RBFOX1: variants seen among roughly 807,000 people sequenced by gnomAD.
The protein encoded by RBFOX1 is RNA binding protein fox-1 homolog 1.
RBFOX1 carries 8 observed loss-of-function variants against 57.7 expected under a neutral mutation model. The observed-to-expected ratio is 0.14, with a 90% CI of 0.08 to 0.25. The LOEUF (loss-of-function observed/expected upper bound fraction) is 0.25, where lower values mean the gene tolerates loss of function less well. Ranked by LOEUF, RBFOX1 falls within the 10% of genes least tolerant of loss-of-function variation. The pLI is 1.00. For missense variants in RBFOX1, 611 were observed against 548.5 expected, an observed-to-expected ratio of 1.11 and a Z score of -1.14; for synonymous variants, 326 against 222.4, an observed-to-expected ratio of 1.47 and a Z score of -4.15.
intron 4 of RBFOX1, among the ~76,000 whole-genome samples, chr16:5,935,589 G>C (rs560110448): frequency 3.9e-5 from 6 of 152,168 alleles, no homozygotes; most frequent in Non-Finnish European, 8.8e-5. Flanking sequence ...TTCTGGACTG[G>C]TTGGCTTGTA....
intron 3 of RBFOX1, among the ~76,000 whole-genome samples, chr16:5,819,630 C>G (rs78863759): frequency 1.1e-3 from 171 of 152,328 alleles, no homozygotes; most frequent in African/African-American, 3.6e-3. Flanking sequence ...TGACGCTGGA[C>G]TACTTGACAT....
rs145389058 is a variant in RBFOX1 at position 5,820,253 on chromosome 16, C to T, written c.319-47050C>T. Among the ~76,000 whole-genome samples, 865 of 152,314 alleles carry T rather than the reference C, an allele frequency of 5.7e-3. 6 individuals carry two copies. The highest frequency in any genetic ancestry group is 6.2e-3 in the Non-Finnish European group (419 of 68,022). On this transcript the variant is annotated intron_variant, in intron 3 of 19. Coordinates refer to the RBFOX1 transcript ENST00000641259. The stretch of plus-strand genomic sequence containing the variant: ...CTGCAAAGTTCATTCTCTTAACCGC[C>T]ATGCTACATTGTCTTATTCAGTTCT...
intron 4 of RBFOX1, among the ~76,000 whole-genome samples, chr16:7,077,416 A>G (rs1276974637): frequency 6.6e-6 from 1 of 152,226 alleles, no homozygotes; most frequent in Non-Finnish European, 1.5e-5. Context: ...TGGTGAAGCT[A>G]CTACATTTAT....
intron 4 of RBFOX1, among the ~76,000 whole-genome samples, chr16:7,359,396 G>T (rs949632283): frequency 6.9e-6 from 1 of 144,244 alleles, no homozygotes; most frequent in African/African-American, 2.9e-5. Flanking sequence ...GCCTCTGTGT[G>T]TTTGTGTGCA....
At chr16:6,429,981 G>A (rs2094031644) in intron 2 of RBFOX1, among the ~76,000 whole-genome samples, 1 of 152,046 alleles carries the variant, frequency 6.6e-6, no homozygotes, top group Non-Finnish European at 1.5e-5. Flanking sequence ...GGTGACACAT[G>A]CCTGTAATCC....
chr16:5,585,777 C>T (rs1468612766), intron 2 of RBFOX1, among the ~76,000 whole-genome samples: 1 of 152,186 alleles, frequency 6.6e-6, no homozygotes, highest in African/African-American at 2.4e-5. Context: ...TGGGTGGATT[C>T]AAGAACTGCA....
intron 4 of RBFOX1, among the ~76,000 whole-genome samples, chr16:7,205,575 A>G (rs2089787538): frequency 6.6e-6 from 1 of 152,132 alleles, no homozygotes; most frequent in Non-Finnish European, 1.5e-5. Context: ...TGAACCTTTC[A>G]GTAGAATGTT....
intron 3 of RBFOX1, among the ~76,000 whole-genome samples, chr16:6,709,465 T>C (rs2063351166): frequency 6.6e-6 from 1 of 152,216 alleles, no homozygotes; most frequent in South Asian, 2.1e-4. Context: ...TCATACAATA[T>C]AGCTGACAGC....
At chr16:5,458,222 T>G (rs568763813) in intron 1 of RBFOX1, among the ~76,000 whole-genome samples, 1 of 152,220 alleles carries the variant, frequency 6.6e-6, no homozygotes, top group East Asian at 1.9e-4. Flanking sequence ...TGCTTTGGAG[T>G]TGGATTATGA....
chr16:7,364,071 T>C (rs1227857119), intron 4 of RBFOX1, among the ~76,000 whole-genome samples: 1 of 152,244 alleles, frequency 6.6e-6, no homozygotes, highest in African/African-American at 2.4e-5. Flanking sequence ...TCCCAAGTCC[T>C]ATTAAAGCTC....
intron 1 of RBFOX1, among the ~76,000 whole-genome samples, chr16:6,222,436 G>C (rs1215985838): frequency 1.3e-5 from 2 of 151,702 alleles, no homozygotes; most frequent in Non-Finnish European, 2.9e-5. Flanking sequence ...TGCTTGCCTG[G>C]AGCATAGAAG....
intron 1 of RBFOX1, among the ~76,000 whole-genome samples, chr16:5,300,441 C>T (rs1177866850): frequency 6.6e-6 from 1 of 152,064 alleles, no homozygotes; most frequent in Non-Finnish European, 1.5e-5. Context: ...GCATCAAAAT[C>T]TCAGAAACCA....
intron 4 of RBFOX1, among the ~76,000 whole-genome samples, chr16:7,490,744 T>C (rs2066715973): frequency 6.6e-6 from 1 of 152,136 alleles, no homozygotes; most frequent in East Asian, 1.9e-4. Flanking sequence ...CCTCAAATTG[T>C]TCATTATCTT....
Position 5,454,902 on chromosome 16 carries a change from CTTT to C in RBFOX1, c.220-12313_220-12311del, listed in dbSNP as rs1567535213. ...TCTTTCTTTCTTTCTTTCTTTCTTT[CTTT>C]CTTTCTTTCCTTTGTTTCTTTCTTC... is the stretch of plus-strand genomic sequence containing the variant. On this transcript the variant is annotated intron_variant, in intron 1 of 2. Coordinates refer to the RBFOX1 transcript ENST00000585867. Among the ~76,000 whole-genome samples the C allele has an allele frequency of 3.7e-3, 244 of 66,670 alleles. 4 individuals are homozygous for C. Among genetic ancestry groups the C allele is most frequent in the African/African-American group, 0.011 (213 of 19,168 alleles). The allele number at this position is 66,670 out of a possible 152,430, so 43.7% of individuals were successfully genotyped here. A position where few individuals can be genotyped will look rare whatever the true frequency, so the allele number is the denominator to read the frequency against.
chr16:5,619,163 C>A (rs1337316327), intron 3 of RBFOX1, among the ~76,000 whole-genome samples: 1 of 152,160 alleles, frequency 6.6e-6, no homozygotes, highest in Non-Finnish European at 1.5e-5. Context: ...ACCTGTGAGG[C>A]CTCAGCTCTA....
chr16:6,985,487 A>T (rs1016511889), intron 3 of RBFOX1, among the ~76,000 whole-genome samples: 3 of 152,168 alleles, frequency 2.0e-5, no homozygotes, highest in Non-Finnish European at 4.4e-5. Flanking sequence ...ATCTCTTAAA[A>T]AATTAATTAA....
intron 3 of RBFOX1, among the ~76,000 whole-genome samples, chr16:6,679,746 G>T (rs2058329346): frequency 1.3e-5 from 2 of 152,132 alleles, no homozygotes; most frequent in African/African-American, 4.8e-5. Flanking sequence ...GGATGAGGAT[G>T]TGGTATTTGT....
At chr16:6,931,653 G>A (rs924680301) in intron 3 of RBFOX1, among the ~76,000 whole-genome samples, 1 of 152,154 alleles carries the variant, frequency 6.6e-6, no homozygotes, top group African/African-American at 2.4e-5. Context: ...CTATTTGAGA[G>A]ATGAGAAAAC....
chr16:7,452,088 C>A (rs893783871), intron 4 of RBFOX1, among the ~76,000 whole-genome samples: 1 of 152,104 alleles, frequency 6.6e-6, no homozygotes, highest in South Asian at 2.1e-4. Context: ...GAATGAGAAG[C>A]AATGTAGTTA....
Sources: allele counts gnomAD v4.1 joint callset (sites outside exome capture counted in the v4.1 genomes callset), GRCh38; gene constraint gnomAD v4.1.1; transcripts MANE v1.5; gene names NCBI Gene and HGNC (gene_info 2026-07-23, HGNC 2026-07-21).